Variants in AKAP12 observed in about 807,000 individuals in gnomAD.
AKAP12 encodes A-kinase anchoring protein 12, also known as A-kinase anchor protein 12.
A neutral mutation model predicts 79.9 loss-of-function variants in AKAP12; 32 were observed. The observed-to-expected ratio is 0.40, with a 90% CI of 0.30 to 0.54. The LOEUF is 0.54. AKAP12 is among the 20% of genes least tolerant of loss of function. The pLI is 0.48. For missense variants in AKAP12, 2,074 were observed against 2,177.0 expected (o/e 0.95, Z 0.94); for synonymous variants, 808 against 857.0 (o/e 0.94, Z 1.00).
intron 2 of AKAP12, among the ~76,000 whole-genome samples, chr6:151,268,958 T>TG (rs1460949133): frequency 2.5e-3 from 316 of 125,896 alleles, no homozygotes; most frequent in Non-Finnish European, 4.5e-3. Context: ...TTTTTTTTTT[T>TG]TTTTTTTTTT....
At chr6:151,320,328 C>G (rs1437378775) in intron 3 of AKAP12, among the ~76,000 whole-genome samples, 1 of 151,942 alleles carries the variant, frequency 6.6e-6, no homozygotes, top group African/African-American at 2.4e-5. Context: ...CTGTGTTGCC[C>G]AGGCTGGTCT....
chr6:151,296,489 C>T (rs1195815797), intron 2 of AKAP12, among the ~76,000 whole-genome samples: 40 of 152,158 alleles, frequency 2.6e-4, no homozygotes, highest in Admixed American at 2.6e-3. Context: ...AATTAAAAAT[C>T]ACATCAGCCA....
intron 3 of AKAP12, among the ~76,000 whole-genome samples, chr6:151,347,455 T>A (rs1415766544): frequency 6.6e-6 from 1 of 152,220 alleles, no homozygotes; most frequent in Non-Finnish European, 1.5e-5. Flanking sequence ...ATGGGTGTGA[T>A]GTGGGATTCC....
At chr6:151,302,610 G>T (rs4416681) in intron 2 of AKAP12, among the ~76,000 whole-genome samples, 127,431 of 152,068 alleles carry the variant, frequency 0.84, 53,737 homozygotes, top group South Asian at 0.92. Flanking sequence ...TTAGGTACTT[G>T]GTAGAACCCT....
At position 151,351,768 on chromosome 6, in the gene AKAP12, T is replaced by C; in HGVS notation, c.3377T>C (p.Val1126Ala). The C allele has an allele frequency of 1.9e-6, 3 of 1,613,968 alleles. No homozygotes were observed. The highest frequency in any genetic ancestry group is 2.5e-6 in the Non-Finnish European group (3 of 1,179,984). The change falls in exon 4 of 5, where the codon GTC becomes GCC. Residue 1126 changes from valine to alanine, a missense_variant. By Grantham distance (64) the Val-to-Ala change is moderately conservative (BLOSUM62 0). Transcript: ENST00000402676. This position sits in a 1 kb window ranked among gnomAD's most constrained non-coding sequence, Gnocchi z 4.4. ...GAAAGCTTTGAAAAAGCTCCTCAAGTCACAGAGAGCATAGAGTCCAGTGAG... is the reference window on the plus strand; with the variant it reads ...GAAAGCTTTGAAAAAGCTCCTCAAGCCACAGAGAGCATAGAGTCCAGTGAG... Reference protein sequence around the residue: ...TPESFEKAPQVTESIESSELV... With the variant: ...TPESFEKAPQATESIESSELV...
At chr6:151,331,416 A>G (rs7771986) in intron 3 of AKAP12, among the ~76,000 whole-genome samples, 28,533 of 152,068 alleles carry the variant, frequency 0.19, 4,235 homozygotes, top group African/African-American at 0.42. Context: ...TATCTCCTCT[A>G]TTTCACTTTC....
At chr6:151,270,072 G>A (rs1314499954) in intron 2 of AKAP12, among the ~76,000 whole-genome samples, 1 of 152,068 alleles carries the variant, frequency 6.6e-6, no homozygotes, top group Non-Finnish European at 1.5e-5. Flanking sequence ...TGTTGTTGTT[G>A]TTTGAGACAG....
At chr6:151,337,804 G>A (rs1777855220) in intron 3 of AKAP12, among the ~76,000 whole-genome samples, 1 of 152,164 alleles carries the variant, frequency 6.6e-6, no homozygotes, top group Non-Finnish European at 1.5e-5. Context: ...CCAGCACTTT[G>A]GGAGACTGAG....
chr6:151,293,199 G>A (rs529177016), intron 2 of AKAP12, among the ~76,000 whole-genome samples: 4 of 152,274 alleles, frequency 2.6e-5, no homozygotes, highest in Admixed American at 2.6e-4. Context: ...TACCAAATGA[G>A]GATTCTTTTG....
At chr6:151,286,999 C>T (rs917267030) in intron 2 of AKAP12, among the ~76,000 whole-genome samples, 2 of 151,214 alleles carry the variant, frequency 1.3e-5, no homozygotes, top group African/African-American at 2.4e-5. Flanking sequence ...AGTGCAGTGG[C>T]GTGATCTCGG....
At chr6:151,295,628 C>T (rs1310433798) in intron 2 of AKAP12, among the ~76,000 whole-genome samples, 2 of 152,164 alleles carry the variant, frequency 1.3e-5, no homozygotes, top group African/African-American at 4.8e-5. Flanking sequence ...CATTTTTGCA[C>T]TAGGATTAAA....
At chr6:151,252,111 C>T (rs1020124231) in intron 2 of AKAP12, among the ~76,000 whole-genome samples, 3 of 152,086 alleles carry the variant, frequency 2.0e-5, no homozygotes, top group Non-Finnish European at 2.9e-5. Context: ...TAGTGGTCTG[C>T]GTCACAGCAG....
intron 3 of AKAP12, among the ~76,000 whole-genome samples, chr6:151,327,490 C>T (rs1278033009): frequency 1.3e-5 from 2 of 152,168 alleles, no homozygotes; most frequent in Non-Finnish European, 2.9e-5. Context: ...TAGGGAGTCA[C>T]AGCTGGGGTG....
intron 3 of AKAP12, among the ~76,000 whole-genome samples, chr6:151,310,857 A>G (rs1351385094): frequency 1.3e-5 from 2 of 152,216 alleles, no homozygotes; most frequent in Non-Finnish European, 2.9e-5. Flanking sequence ...GCGTCTCTGC[A>G]GAGTACGTAC....
intron 3 of AKAP12, chr6:151,325,933 G>T (rs751786058): frequency 1.2e-6 from 2 of 1,613,978 alleles, no homozygotes; most frequent in Admixed American, 3.3e-5. Context: ...CGGCAGGCAC[G>T]GGGCACGAAA....
intron 2 of AKAP12, among the ~76,000 whole-genome samples, chr6:151,300,011 G>C (rs1267316927): frequency 2.6e-5 from 4 of 152,126 alleles, no homozygotes; most frequent in Non-Finnish European, 5.9e-5. Flanking sequence ...TAATGGGTTT[G>C]CGTATTTAAA....
chr6:151,286,576 C>T (rs1339131188), intron 2 of AKAP12, among the ~76,000 whole-genome samples: 1 of 152,246 alleles, frequency 6.6e-6, no homozygotes, highest in African/African-American at 2.4e-5. Flanking sequence ...GTTTCACTAG[C>T]AGTTATAGTC....
intron 2 of AKAP12, among the ~76,000 whole-genome samples, chr6:151,258,608 T>C (rs954116793): frequency 1.3e-5 from 2 of 152,214 alleles, no homozygotes; most frequent in Admixed American, 1.3e-4. Context: ...TGATTCCTGC[T>C]TCTTAATAAA....
At chr6:151,256,813 C>T (rs976533107) in intron 2 of AKAP12, among the ~76,000 whole-genome samples, 5 of 151,794 alleles carry the variant, frequency 3.3e-5, no homozygotes, top group South Asian at 2.1e-4. Flanking sequence ...CCATGCCTGC[C>T]TAATTTTTGT....
Sources: allele counts gnomAD v4.1 joint callset (sites outside exome capture counted in the v4.1 genomes callset), GRCh38; gene constraint gnomAD v4.1.1; non-coding constraint Gnocchi (gnomAD v3.1); transcripts MANE v1.5; gene names NCBI Gene and HGNC (gene_info 2026-07-23, HGNC 2026-07-21).